CSMD1: variants seen among roughly 807,000 people sequenced by gnomAD.
The protein encoded by CSMD1 is CUB and sushi domain-containing protein 1.
A neutral mutation model predicts 417.5 loss-of-function variants in CSMD1; 213 were observed. That is an observed-to-expected ratio of 0.51 (90% CI 0.46 to 0.57). The LOEUF is 0.57. CSMD1 is among the 20% of genes least tolerant of loss of function. The pLI is 0.00. For missense variants in CSMD1, 6,923 were observed against 4,529.7 expected, an observed-to-expected ratio of 1.53 and a Z score of -15.17; for synonymous variants, 2,862 against 1,736.8, an observed-to-expected ratio of 1.65 and a Z score of -16.11.
chr8:2,990,474 C>T lies in CSMD1; in HGVS notation c.8377+7537G>A, dbSNP rs561200626. On this transcript the variant is annotated intron_variant, in intron 54 of 69. Coordinates refer to ENST00000635120, the MANE Select transcript of CSMD1 (RefSeq NM_033225.6). ...AACCCATCCCCCATTTTCCATAGCC[C>T]CTGACTTTACAAGTGAGCCTCTCTC... 6.6e-5 allele frequency among the ~76,000 whole-genome samples: 10 copies of T among 152,238 alleles called. No homozygotes were observed. In the East Asian group the frequency reaches 1.9e-3, roughly 29 times the overall value.
intron 3 of CSMD1, among the ~76,000 whole-genome samples, chr8:4,409,559 C>T (rs1039034166): frequency 6.6e-6 from 1 of 151,992 alleles, no homozygotes; most frequent in African/African-American, 2.4e-5. Flanking sequence ...CAGAACATGC[C>T]ACTCAACACT....
chr8:4,994,563 A>G lies in CSMD1; in HGVS notation c.-147T>C. ...CCCGCCGCGCATCCGACGCCTCCTG[A>G]AGGTCTGGGCGCCCGGCTCGCTTCC... On this transcript the variant is annotated 5_prime_UTR_variant, in exon 1 of 70. Transcript: ENST00000635120. 4.3e-6 allele frequency: 3 copies of G among 691,674 alleles called. No individual in the cohort carries two copies. The East Asian group carries it at 8.3e-5, about 19-fold the overall frequency. 42.8% of individuals were successfully genotyped at this position (691,674 alleles called of 1,614,324 possible).
In CSMD1 at chr8:4,896,041, T is replaced by G. The variant is rs1804458555; in HGVS notation, c.85+98291A>C. Reference sequence around the variant, plus strand: ...ATATTTGTAATGATTCTACAATTCTTTGTAGTTCAATGTGTGGTTTGCACT... The same window carrying G: ...ATATTTGTAATGATTCTACAATTCTGTGTAGTTCAATGTGTGGTTTGCACT... On this transcript the variant is annotated intron_variant, in intron 1 of 69. Coordinates refer to ENST00000635120, the MANE Select transcript of CSMD1 (RefSeq NM_033225.6). Among the ~76,000 whole-genome samples, 3 of 152,250 alleles carry G rather than the reference T, an allele frequency of 2.0e-5. No individual in the cohort carries two copies. The South Asian group carries it at 6.2e-4, about 32-fold the overall frequency.
rs547981601 is a variant in CSMD1, at chr8:4,714,688, G to A, written c.86-77130C>T. The stretch of plus-strand genomic sequence containing the variant: ...CTTTAATTTCATTTAAAAGAAGCTA[G>A]GCAGTTCAAATTTACTCGAGAATAC... On this transcript the variant is annotated intron_variant, in intron 1 of 69. Coordinates refer to ENST00000635120, the MANE Select transcript of CSMD1 (RefSeq NM_033225.6). Among the ~76,000 whole-genome samples, 26 of 152,156 alleles carry A rather than the reference G, an allele frequency of 1.7e-4. No homozygotes were observed. In the South Asian group the frequency reaches 4.8e-3, roughly 28 times the overall value.
At chr8:4,360,759 G>T (rs951732822) in intron 3 of CSMD1, among the ~76,000 whole-genome samples, 5 of 151,624 alleles carry the variant, frequency 3.3e-5, no homozygotes, top group African/African-American at 4.8e-5. Context: ...CTCCAAAAGT[G>T]CTGGGACTAC....
intron 10 of CSMD1, among the ~76,000 whole-genome samples, chr8:3,538,929 C>T (rs939342998): frequency 2.0e-5 from 3 of 152,196 alleles, no homozygotes; most frequent in Non-Finnish European, 4.4e-5. Context: ...GCCGCCAGAG[C>T]AACGTTTGTG....
chr8:3,021,797 T>C (rs1003032145), intron 51 of CSMD1, among the ~76,000 whole-genome samples: 4 of 137,688 alleles, frequency 2.9e-5, no homozygotes, highest in Non-Finnish European at 6.1e-5. Flanking sequence ...ATCCATAGCA[T>C]CTGGAATGCA....
chr8:4,668,938 T>G (rs1160982814), intron 1 of CSMD1, among the ~76,000 whole-genome samples: 1 of 152,212 alleles, frequency 6.6e-6, no homozygotes, highest in East Asian at 1.9e-4. Flanking sequence ...TTCTAATTCA[T>G]CTATTATTTC....
chr8:4,000,454 T>C (rs1301721074), intron 4 of CSMD1, among the ~76,000 whole-genome samples: 1 of 152,208 alleles, frequency 6.6e-6, no homozygotes, highest in African/African-American at 2.4e-5. Context: ...ATTCCAGCCA[T>C]GAGGAAAAAT....
intron 49 of CSMD1, among the ~76,000 whole-genome samples, chr8:3,058,444 G>A (rs529874478): frequency 2.6e-4 from 40 of 152,194 alleles, no homozygotes; most frequent in African/African-American, 7.9e-4. Flanking sequence ...CTTGATACAC[G>A]AAAACAATCA....
chr8:4,817,210 A>G (rs1372384413), intron 1 of CSMD1, among the ~76,000 whole-genome samples: 1 of 152,224 alleles, frequency 6.6e-6, no homozygotes. Context: ...TCCTATATGT[A>G]TATGATTTTA....
chr8:3,596,338 G>A (rs372713066), intron 8 of CSMD1, among the ~76,000 whole-genome samples: 1 of 152,154 alleles, frequency 6.6e-6, no homozygotes, highest in Non-Finnish European at 1.5e-5. Flanking sequence ...ACCAGGTACA[G>A]CATGCAGGGA....
At position 3,111,170 on chromosome 8, in the gene CSMD1, G is replaced by A. The variant is rs183218618; in HGVS notation, c.6431-835C>T. 4.6e-5 allele frequency among the ~76,000 whole-genome samples: 7 copies of A among 152,280 alleles called. No homozygotes were observed. The East Asian group carries it at 9.6e-4, about 21-fold the overall frequency. On this transcript the variant is annotated intron_variant, in intron 42 of 69. Coordinates refer to ENST00000635120, the MANE Select transcript of CSMD1 (RefSeq NM_033225.6). ...GGCTGTCAAAGATTTGCCACAAATG[G>A]TATAGAATTCAGGTAGAGGAAAAAG... is the stretch of plus-strand genomic sequence containing the variant.
intron 27 of CSMD1, 149 bp from the exon 28 acceptor site, chr8:3,224,016 C>A: frequency 1.5e-6 from 1 of 656,854 alleles, no homozygotes; most frequent in East Asian, 2.8e-5. Context: ...TATCAATTAT[C>A]CTGATAAAAT....
chr8:4,132,698 G>A (rs1284122530), intron 3 of CSMD1, among the ~76,000 whole-genome samples: 1 of 152,112 alleles, frequency 6.6e-6, no homozygotes, highest in Non-Finnish European at 1.5e-5. Context: ...TCAATGTGGG[G>A]CTTCCACGCA....
At chr8:3,973,741 T>C (rs1479862646) in intron 5 of CSMD1, among the ~76,000 whole-genome samples, 2 of 152,212 alleles carry the variant, frequency 1.3e-5, no homozygotes, top group Non-Finnish European at 2.9e-5. Flanking sequence ...ATTTCATTGA[T>C]ACACTAATGC....
chr8:4,009,774 C>T (rs766574351), intron 4 of CSMD1, among the ~76,000 whole-genome samples: 15 of 151,980 alleles, frequency 9.9e-5, no homozygotes, highest in African/African-American at 1.5e-4. Context: ...TGAAAGGAAC[C>T]CAGAGACATG....
intron 26 of CSMD1, among the ~76,000 whole-genome samples, chr8:3,244,550 C>T (rs1799756593): frequency 6.6e-6 from 1 of 152,162 alleles, no homozygotes; most frequent in South Asian, 2.1e-4. Context: ...TCGCCTCTAA[C>T]CTAGGTCGCT....
intron 2 of CSMD1, among the ~76,000 whole-genome samples, chr8:4,510,320 C>G (rs759662870): frequency 4.5e-5 from 6 of 134,594 alleles, no homozygotes; most frequent in Non-Finnish European, 7.7e-5. Flanking sequence ...CACACTACAA[C>G]TAAATATTTC....
Sources: gnomAD v4.1 joint callset for allele counts (sites outside exome capture counted in the v4.1 genomes callset) on GRCh38, gnomAD v4.1.1 for gene constraint, MANE v1.5 for transcripts, NCBI Gene and HGNC (gene_info 2026-07-23, HGNC 2026-07-21) for gene names.